STRAP: variants seen among roughly 807,000 people sequenced by gnomAD.
STRAP encodes the protein serine-threonine kinase receptor-associated protein.
In STRAP, 16 loss-of-function variants were observed where a neutral mutation model predicts 47.0. The observed-to-expected ratio is 0.34, with a 90% CI of 0.23 to 0.52. The LOEUF (loss-of-function observed/expected upper bound fraction) is 0.52. STRAP is among the 20% of genes least tolerant of loss of function. The pLI, the probability that STRAP is intolerant of heterozygous loss-of-function variation, is 0.96. For missense variants in STRAP, 293 were observed against 420.0 expected (o/e 0.70, Z 2.64); for synonymous variants, 130 against 142.7 (o/e 0.91, Z 0.63).
chr12:15,885,180 GTTTTTTTTT>G (rs749702060), intron 2 of STRAP, among the ~76,000 whole-genome samples: 3 of 99,592 alleles, frequency 3.0e-5, no homozygotes, highest in Admixed American at 1.1e-4. Flanking sequence ...TACAAGTGGT[GTTTTTTTTT>G]TTTTTTTTTT....
Position 15,882,421 on chromosome 12 carries a change from T to A in STRAP, c.-287T>A, listed in dbSNP as rs1488747203. Reference sequence around the variant, plus strand: ...TTCCTGCCGATGCCGGTGTGGACGCTGTGAATCGTGGCTGGCCCGGTTCTC... The same window carrying A: ...TTCCTGCCGATGCCGGTGTGGACGCAGTGAATCGTGGCTGGCCCGGTTCTC... On this transcript the variant is annotated 5_prime_UTR_variant, in exon 1 of 10. Transcript: ENST00000419869. The A allele has an allele frequency of 2.2e-5, 11 of 491,960 alleles. No homozygotes were observed. Among genetic ancestry groups the A allele is most frequent in the Admixed American group, 3.5e-5 (1 of 28,264 alleles). The allele number at this position is 491,960 out of a possible 1,614,324, so 30.5% of individuals were successfully genotyped here.
chr12:15,884,968 G>T (rs377710857), intron 2 of STRAP, among the ~76,000 whole-genome samples: 1 of 151,972 alleles, frequency 6.6e-6, no homozygotes, highest in South Asian at 2.1e-4. Context: ...GACTTTTGGC[G>T]GTTAATTATG....
chr12:15,888,670 C>A (rs944039861), intron 2 of STRAP, among the ~76,000 whole-genome samples: 1 of 152,112 alleles, frequency 6.6e-6, no homozygotes, highest in Non-Finnish European at 1.5e-5. Flanking sequence ...CTTCCGACGG[C>A]TAGCTCTGTT....
intron 2 of STRAP, among the ~76,000 whole-genome samples, chr12:15,885,105 T>G (rs999642453): frequency 4.6e-5 from 7 of 151,646 alleles, no homozygotes; most frequent in African/African-American, 1.7e-4. Flanking sequence ...TTGTTTAAAC[T>G]GATGAAGGCA....
At chr12:15,898,793 T>G (rs1948081046) in intron 7 of STRAP, among the ~76,000 whole-genome samples, 1 of 152,222 alleles carries the variant, frequency 6.6e-6, no homozygotes. Flanking sequence ...CTGTCTCTTC[T>G]TGTTCTTGTC....
chr12:15,895,531 G>A (rs1948052790), intron 6 of STRAP, 35 bp downstream of exon 6: 17 of 1,571,876 alleles, frequency 1.1e-5, no homozygotes, highest in Non-Finnish European at 1.4e-5. Flanking sequence ...TTCTTTTTTA[G>A]GTAACAAAAG....
intron 2 of STRAP, among the ~76,000 whole-genome samples, chr12:15,889,556 A>G (rs1377938493): frequency 6.6e-6 from 1 of 152,122 alleles, no homozygotes; most frequent in Non-Finnish European, 1.5e-5. Flanking sequence ...GCATGGTGAA[A>G]CTAAAAATTG....
rs1394084131 is a variant in STRAP, at chr12:15,890,893, C to T, written c.403+224C>T. Among the ~76,000 whole-genome samples, 1 of 152,052 alleles carries T rather than the reference C, an allele frequency of 6.6e-6. No homozygotes were observed. The highest frequency in any genetic ancestry group is 1.5e-5 in the Non-Finnish European group (1 of 68,010). ...TGGCCAACATGGCAAAACCCCGTCT[C>T]TATTAAAAATAGAAAAATTAGCCAG... is the stretch of plus-strand genomic sequence containing the variant. On this transcript the variant is annotated intron_variant, in intron 4 of 9. Coordinates refer to ENST00000419869, the MANE Select transcript of STRAP (RefSeq NM_007178.4). This position sits in a 1 kb window ranked among gnomAD's most constrained non-coding sequence, Gnocchi z 4.5.
chr12:15,885,779 A>G (rs1261031071), intron 2 of STRAP, among the ~76,000 whole-genome samples: 1 of 151,860 alleles, frequency 6.6e-6, no homozygotes, highest in Non-Finnish European at 1.5e-5. Context: ...ACTTTATTTA[A>G]CCATTTTTTT....
chr12:15,891,605 A>G lies in STRAP; in HGVS notation c.403+936A>G, dbSNP rs964027348. The stretch of plus-strand genomic sequence containing the variant: ...ATATTTTCACAATGATTTCCTTAAG[A>G]TAACTAAGCAAAAGTAGAATTGGTG... On this transcript the variant is annotated intron_variant, in intron 4 of 9. Transcript: ENST00000419869. 3.9e-5 allele frequency among the ~76,000 whole-genome samples: 6 copies of G among 152,224 alleles called. 1 individual carries two copies.
At chr12:15,892,568 T>C (rs1948025589) in intron 4 of STRAP, among the ~76,000 whole-genome samples, 1 of 152,190 alleles carries the variant, frequency 6.6e-6, no homozygotes, top group South Asian at 2.1e-4. Flanking sequence ...AGAACCACAT[T>C]GGAAATTAAG....
chr12:15,890,450 A>T lies in STRAP; in HGVS notation c.331-147A>T. 1 of 697,286 alleles carries T rather than the reference A, an allele frequency of 1.4e-6. No individual in the cohort carries two copies. Among genetic ancestry groups the T allele is most frequent in the Non-Finnish European group, 2.5e-6 (1 of 401,192 alleles). 43.2% of individuals were successfully genotyped at this position (697,286 alleles called of 1,614,324 possible). ...AGTTATGAGAGGTCAGCTGTTCCAC[A>T]GTATCTTCTCAGAAGTAATTGGTTA... On this transcript the variant is annotated intron_variant, in intron 3 of 9. Coordinates refer to ENST00000419869, the MANE Select transcript of STRAP (RefSeq NM_007178.4). The surrounding 1 kb of genome is among the most constrained non-coding windows in gnomAD (Gnocchi z 4.5).
At position 15,896,464 on chromosome 12, in the gene STRAP, G is replaced by A. The variant is rs147925967; in HGVS notation, c.638+968G>A. Among the ~76,000 whole-genome samples, 250 of 151,824 alleles carry A rather than the reference G, an allele frequency of 1.6e-3. 1 individual carries two copies. The highest frequency in any genetic ancestry group is 4.4e-3 in the African/African-American group (182 of 41,394). ...TGTACCCACAATATTATACCCATAG[G>A]TGCAAGAGTGATAATGGTAGTTATA... On this transcript the variant is annotated intron_variant, in intron 6 of 9. Transcript: ENST00000419869. The surrounding 1 kb of genome is among the most constrained non-coding windows in gnomAD (Gnocchi z 4.1).
intron 9 of STRAP, among the ~76,000 whole-genome samples, chr12:15,901,558 G>T (rs1591990690): frequency 2.0e-5 from 3 of 152,238 alleles, no homozygotes; most frequent in East Asian, 1.9e-4. Flanking sequence ...TCATCTGAGG[G>T]CCTCATTTGC....
In STRAP at chr12:15,885,559, G is replaced by A. The variant is rs1240716737; in HGVS notation, c.248+1883G>A. 5.6e-5 allele frequency among the ~76,000 whole-genome samples: 8 copies of A among 143,680 alleles called. No individual in the cohort carries two copies. In the Admixed American group the frequency reaches 5.7e-4, roughly 10 times the overall value. The allele number at this position is 143,680 out of a possible 152,430, so 94.3% of individuals were successfully genotyped here. On this transcript the variant is annotated intron_variant, in intron 2 of 9. Transcript: ENST00000419869. ...AAATCTGCTGCCTCCTTCATTTTAA[G>A]TACATTAAACATACCAATTTTAGAA...
In STRAP at chr12:15,903,054, T is replaced by TA; in HGVS notation, c.*77dup. 7.0e-7 allele frequency: 1 copy of TA among 1,427,804 alleles called. No homozygotes were observed. Among genetic ancestry groups the TA allele is most frequent in the Non-Finnish European group, 9.3e-7 (1 of 1,076,872 alleles). 88.4% of individuals were successfully genotyped at this position (1,427,804 alleles called of 1,614,324 possible). A position where few individuals can be genotyped will look rare whatever the true frequency, so the allele number is the denominator to read the frequency against. Reference sequence around the variant, plus strand: ...GAGAAAAGCATCAGCCTTCCAGAGTTACTGTCTGCTTAAGGCAGAAACAGC... The same window carrying TA: ...GAGAAAAGCATCAGCCTTCCAGAGTTAACTGTCTGCTTAAGGCAGAAACAGC... On this transcript the variant is annotated 3_prime_UTR_variant, in exon 10 of 10. Coordinates refer to ENST00000419869, the MANE Select transcript of STRAP (RefSeq NM_007178.4).
intron 4 of STRAP, among the ~76,000 whole-genome samples, chr12:15,893,088 C>G (rs1488009194): frequency 1.3e-5 from 2 of 152,152 alleles, no homozygotes; most frequent in Non-Finnish European, 2.9e-5. Flanking sequence ...ATGGCATTGC[C>G]TCCAGTGTCT....
chr12:15,886,986 G>T (rs547903821), intron 2 of STRAP, among the ~76,000 whole-genome samples: 28 of 152,298 alleles, frequency 1.8e-4, no homozygotes, highest in African/African-American at 6.0e-4. Flanking sequence ...ATTCTGTGCT[G>T]TGCTCCCAAG....
intron 9 of STRAP, 77 bp downstream of exon 9, chr12:15,901,089 G>A: frequency 1.8e-6 from 2 of 1,107,820 alleles, no homozygotes; most frequent in Non-Finnish European, 2.5e-6. Flanking sequence ...TTTACTCATT[G>A]GCAGAAGAAA....
Sources: gnomAD v4.1 joint callset for allele counts (sites outside exome capture counted in the v4.1 genomes callset) on GRCh38, gnomAD v4.1.1 for gene constraint, Gnocchi (gnomAD v3.1) non-coding constraint, MANE v1.5 for transcripts, NCBI Gene and HGNC (gene_info 2026-07-23, HGNC 2026-07-21) for gene names.